SYNPR: variants seen among roughly 807,000 people sequenced by gnomAD.
The protein encoded by SYNPR is synaptoporin.
Under a neutral mutation model 32.9 loss-of-function variants are expected in SYNPR, and 23 were observed. The observed-to-expected ratio is 0.70, with a 90% CI of 0.50 to 0.99. The LOEUF is 0.99. SYNPR is among the 50% of genes least tolerant of loss of function. The probability of loss-of-function intolerance (pLI) is 0.00; values close to 1 mark genes in which losing one functional copy is unlikely to be tolerated. For synonymous variants in SYNPR, 146 were observed against 135.9 expected (o/e 1.07, Z -0.52); for missense variants, 318 against 349.3 (o/e 0.91, Z 0.71).
chr3:63,501,510 A>G (rs9826701), intron 3 of SYNPR, among the ~76,000 whole-genome samples: 41,680 of 97,556 alleles, frequency 0.43, 6,144 homozygotes, highest in East Asian at 0.48. Flanking sequence ...AAAAAAAAAA[A>G]AAAAGAAAAG....
At chr3:63,275,873 A>G (rs2086569913), upstream of SYNPR, among the ~76,000 whole-genome samples, 1 of 152,182 alleles carries the variant, frequency 6.6e-6, no homozygotes, top group Non-Finnish European at 1.5e-5. Context: ...ACTACCATGC[A>G]AAGAGGATGA....
At chr3:63,303,711 C>T (rs1431530448) in intron 2 of SYNPR, among the ~76,000 whole-genome samples, 4 of 151,968 alleles carry the variant, frequency 2.6e-5, no homozygotes, top group East Asian at 1.9e-4. Flanking sequence ...GAAATTTAAA[C>T]GTGTGTAAAA....
chr3:63,245,702 AGAGAGAGAGT>A (rs1453520887), intron 1 of SYNPR, among the ~76,000 whole-genome samples: 14 of 79,242 alleles, frequency 1.8e-4, no homozygotes, highest in South Asian at 1.5e-3. Context: ...AGAGAGAGAG[AGAGAGAGAGT>A]GTGTGTGTGT....
At chr3:63,408,142 AAAAGAAAGAAAGAAAGAAAGAAAG>A (rs199743513) in intron 2 of SYNPR, among the ~76,000 whole-genome samples, 9 of 28,486 alleles carry the variant, frequency 3.2e-4, no homozygotes, top group Non-Finnish European at 4.7e-4. Flanking sequence ...TAGAAGAAAG[AAAAGAAAGAAAGAAAGAAAGAAAG>A]AAAGAAAGAA....
At chr3:63,513,334 A>G (rs903147127) in intron 3 of SYNPR, among the ~76,000 whole-genome samples, 14 of 151,966 alleles carry the variant, frequency 9.2e-5, no homozygotes, top group African/African-American at 3.4e-4. Flanking sequence ...GACATGTGCC[A>G]TTGCTCCCAT....
chr3:63,250,492 A>C (rs2086322720), intron 1 of SYNPR, among the ~76,000 whole-genome samples: 1 of 152,132 alleles, frequency 6.6e-6, no homozygotes, highest in Non-Finnish European at 1.5e-5. Flanking sequence ...GGGAATCCTC[A>C]CACAACTTTT....
At chr3:63,274,015 TG>T (rs2086555951), upstream of SYNPR, among the ~76,000 whole-genome samples, 1 of 152,202 alleles carries the variant, frequency 6.6e-6, no homozygotes, top group South Asian at 2.1e-4. Context: ...GGCATGCTAT[TG>T]GCCTTTGCTT....
chr3:63,387,048 T>C (rs2088055643), intron 2 of SYNPR, among the ~76,000 whole-genome samples: 1 of 152,210 alleles, frequency 6.6e-6, no homozygotes, highest in Non-Finnish European at 1.5e-5. Flanking sequence ...TGCCTTCTCT[T>C]GAATCAGGAC....
intron 4 of SYNPR, among the ~76,000 whole-genome samples, chr3:63,599,026 GA>G (rs924179954): frequency 3.3e-5 from 5 of 152,096 alleles, no homozygotes; most frequent in African/African-American, 1.2e-4. Flanking sequence ...ACACAAATGA[GA>G]AAGTTATCCC....
chr3:63,251,617 C>T (rs969492196), intron 1 of SYNPR, among the ~76,000 whole-genome samples: 2 of 152,084 alleles, frequency 1.3e-5, no homozygotes, highest in African/African-American at 4.8e-5. Flanking sequence ...CAGAGTAATT[C>T]CCTGTGTCTG....
At chr3:63,272,799 C>G (rs142074164) in intron 3 of SYNPR, among the ~76,000 whole-genome samples, 218 of 152,248 alleles carry the variant, frequency 1.4e-3, no homozygotes, top group African/African-American at 4.8e-3. Flanking sequence ...AATCTCACAT[C>G]TCTTTGGCTG....
chr3:63,471,736 G>C lies in SYNPR; in HGVS notation c.85-9096G>C, dbSNP rs537108576. Among the ~76,000 whole-genome samples the C allele has an allele frequency of 1.4e-3, 213 of 152,252 alleles. 3 individuals are homozygous for C. Among genetic ancestry groups the C allele is most frequent in the African/African-American group, 4.7e-3 (197 of 41,556 alleles). On this transcript the variant is annotated intron_variant, in intron 2 of 5. Transcript: ENST00000478300. ...GCTTTGTTCCCAGAAATGCCCTTTG[G>C]GGGTGTTGAGGACTAATCATCAGTT...
intron 2 of SYNPR, among the ~76,000 whole-genome samples, chr3:63,315,589 G>C (rs2087031806): frequency 6.6e-6 from 1 of 151,982 alleles, no homozygotes; most frequent in Non-Finnish European, 1.5e-5. Context: ...CTTTAATCTT[G>C]TATCTGGAAA....
intron 3 of SYNPR, among the ~76,000 whole-genome samples, chr3:63,550,356 C>T (rs1010123462): frequency 6.6e-6 from 1 of 151,340 alleles, no homozygotes; most frequent in South Asian, 2.1e-4. Flanking sequence ...TATAGATACA[C>T]AAATATATAT....
chr3:63,484,198 A>G (rs1322227102), intron 3 of SYNPR, among the ~76,000 whole-genome samples: 1 of 152,180 alleles, frequency 6.6e-6, no homozygotes. Flanking sequence ...ACATGCAGCA[A>G]TGTATCATAT....
chr3:63,479,445 T>TGCGCGC (rs10647350), intron 2 of SYNPR, among the ~76,000 whole-genome samples: 5,823 of 98,048 alleles, frequency 0.059, 175 homozygotes, highest in Non-Finnish European at 0.087. Flanking sequence ...GCCACACACA[T>TGCGCGC]GCACACACAC....
chr3:63,467,919 G>T (rs1317687509), intron 2 of SYNPR, among the ~76,000 whole-genome samples: 1 of 152,150 alleles, frequency 6.6e-6, no homozygotes, highest in Non-Finnish European at 1.5e-5. Context: ...GAATAATCAG[G>T]CTGGGCACGG....
intron 2 of SYNPR, among the ~76,000 whole-genome samples, chr3:63,353,452 A>G (rs2087535872): frequency 6.6e-6 from 1 of 152,210 alleles, no homozygotes; most frequent in Non-Finnish European, 1.5e-5. Context: ...GACACCTACT[A>G]TGTTTTAAGC....
chr3:63,567,123 A>C (rs909694190), intron 4 of SYNPR, among the ~76,000 whole-genome samples: 1 of 152,168 alleles, frequency 6.6e-6, no homozygotes, highest in African/African-American at 2.4e-5. Context: ...AAATGCAATC[A>C]GCCCTAATGT....
Sources: gnomAD v4.1 joint callset for allele counts (sites outside exome capture counted in the v4.1 genomes callset) on GRCh38, gnomAD v4.1.1 for gene constraint, MANE v1.5 for transcripts, NCBI Gene and HGNC (gene_info 2026-07-23, HGNC 2026-07-21) for gene names.